Variants in EPHA3 observed in about 807,000 individuals in gnomAD.
The protein encoded by EPHA3 is ephrin type-A receptor 3.
EPHA3 carries 42 observed loss-of-function variants against 107.1 expected under a neutral mutation model. That is an observed-to-expected ratio of 0.39 (90% confidence interval 0.31 to 0.51). EPHA3 has a LOEUF of 0.51. Ranked by LOEUF, EPHA3 falls within the 20% of genes least tolerant of loss-of-function variation. The pLI, the probability that EPHA3 is intolerant of heterozygous loss-of-function variation, is 0.78. For missense variants in EPHA3, 1,183 were observed against 1,211.2 expected (o/e 0.98, Z 0.35); for synonymous variants, 461 against 424.8 (o/e 1.09, Z -1.05).
At chr3:89,365,545 C>T (rs1468429079) in intron 5 of EPHA3, among the ~76,000 whole-genome samples, 2 of 150,750 alleles carry the variant, frequency 1.3e-5, no homozygotes, top group Non-Finnish European at 3.0e-5. Context: ...AGCAAGGGCC[C>T]TGCCAGACTT....
intron 5 of EPHA3, among the ~76,000 whole-genome samples, chr3:89,373,806 C>T (rs1469674944): frequency 6.6e-6 from 1 of 151,840 alleles, no homozygotes; most frequent in Non-Finnish European, 1.5e-5. Flanking sequence ...GTTTGTTCAA[C>T]ATATTATATT....
chr3:89,253,247 T>C (rs1705205164), intron 3 of EPHA3, among the ~76,000 whole-genome samples: 1 of 152,150 alleles, frequency 6.6e-6, no homozygotes, highest in African/African-American at 2.4e-5. Flanking sequence ...TACCTCACTT[T>C]AGGGATAAAA....
intron 5 of EPHA3, among the ~76,000 whole-genome samples, chr3:89,381,082 C>T (rs1269742882): frequency 1.3e-5 from 2 of 152,192 alleles, no homozygotes; most frequent in African/African-American, 2.4e-5. Flanking sequence ...CCGCCATTCT[C>T]TTGCCTCAGC....
At chr3:89,447,021 C>A (rs949895212) in intron 13 of EPHA3, among the ~76,000 whole-genome samples, 1 of 152,104 alleles carries the variant, frequency 6.6e-6, no homozygotes, top group Admixed American at 6.6e-5. Context: ...CCCAATGATT[C>A]CATTTGGCAT....
At chr3:89,189,449 T>C (rs1705649634) in intron 2 of EPHA3, among the ~76,000 whole-genome samples, 1 of 152,072 alleles carries the variant, frequency 6.6e-6, no homozygotes, top group Non-Finnish European at 1.5e-5. Context: ...AAAAATTAGC[T>C]GGGCACGGTG....
At chr3:89,117,902 G>C (rs915506915) in intron 1 of EPHA3, among the ~76,000 whole-genome samples, 1 of 151,914 alleles carries the variant, frequency 6.6e-6, no homozygotes, top group Non-Finnish European at 1.5e-5. Context: ...AGCTGATCAT[G>C]GTAGATTTTG....
chr3:89,246,955 GCAAATGTTAGCAT>G (rs919843674), intron 3 of EPHA3, among the ~76,000 whole-genome samples: 5 of 152,126 alleles, frequency 3.3e-5, no homozygotes, highest in African/African-American at 1.2e-4. Context: ...CAGAACAAGA[GCAAATGTTAGCAT>G]ATAGCATGTA....
rs576483446 is a variant in EPHA3 at position 89,273,074 on chromosome 3, G to A, written c.814+62554G>A. Among the ~76,000 whole-genome samples, 20 of 151,954 alleles carry A rather than the reference G, an allele frequency of 1.3e-4. No homozygotes were observed. The South Asian group carries it at 4.1e-3, about 32-fold the overall frequency. On this transcript the variant is annotated intron_variant, in intron 3 of 16. Transcript: ENST00000336596. ...GCCAAAAATACATTTGGTTTGATGG[G>A]AAGATAAATTTTCAACATTTTAAAG...
chr3:89,384,043 T>A (rs185642325), intron 5 of EPHA3, among the ~76,000 whole-genome samples: 146 of 152,230 alleles, frequency 9.6e-4, no homozygotes, highest in African/African-American at 3.3e-3. Context: ...CCATATACTT[T>A]CAATAGTTGT....
chr3:89,211,956 C>T (rs971948551), intron 3 of EPHA3, among the ~76,000 whole-genome samples: 33 of 151,776 alleles, frequency 2.2e-4, no homozygotes, highest in African/African-American at 6.5e-4. Flanking sequence ...GAAATATTGG[C>T]GACTAAAGAA....
In EPHA3 at chr3:89,281,863, A is replaced by G. The variant is rs532313060; in HGVS notation, c.815-59053A>G. ...TTATGCGCACTGTAAAAAAGCATAC[A>G]CATGGCTAATTCCAATCATTGTACA... On this transcript the variant is annotated intron_variant, in intron 3 of 16. Transcript: ENST00000336596. Among the ~76,000 whole-genome samples the G allele has an allele frequency of 3.3e-5, 5 of 152,348 alleles. No homozygotes were observed. In the South Asian group the frequency reaches 6.2e-4, roughly 19 times the overall value.
intron 5 of EPHA3, among the ~76,000 whole-genome samples, chr3:89,347,372 T>C (rs1200725594): frequency 6.7e-6 from 1 of 149,168 alleles, no homozygotes; most frequent in African/African-American, 2.4e-5. Flanking sequence ...TTTATTCTCT[T>C]TGAAGCAATT....
chr3:89,377,667 G>A (rs1708427518), intron 5 of EPHA3, among the ~76,000 whole-genome samples: 1 of 151,918 alleles, frequency 6.6e-6, no homozygotes, highest in South Asian at 2.1e-4. Flanking sequence ...TCCTAGCTAG[G>A]TGCATTTTGA....
At chr3:89,424,225 A>G (rs1441466264) in intron 11 of EPHA3, among the ~76,000 whole-genome samples, 3 of 151,426 alleles carry the variant, frequency 2.0e-5, no homozygotes, top group Non-Finnish European at 4.4e-5. Flanking sequence ...TATTCCAAGT[A>G]TGAAAAGTTG....
intron 2 of EPHA3, among the ~76,000 whole-genome samples, chr3:89,197,877 G>GA (rs1275041910): frequency 6.6e-6 from 1 of 152,128 alleles, no homozygotes; most frequent in Non-Finnish European, 1.5e-5. Flanking sequence ...TGGGGAGGCT[G>GA]AGGGGGGAGA....
intron 16 of EPHA3, among the ~76,000 whole-genome samples, chr3:89,473,056 C>T: frequency 6.6e-6 from 1 of 152,158 alleles, no homozygotes; most frequent in East Asian, 1.9e-4. Flanking sequence ...ATGTGGTATA[C>T]AAGGAAACAT....
At chr3:89,121,128 CG>C (rs898301881) in intron 1 of EPHA3, among the ~76,000 whole-genome samples, 2 of 152,022 alleles carry the variant, frequency 1.3e-5, no homozygotes, top group African/African-American at 4.8e-5. Context: ...CCCAGCTACT[CG>C]GGAGGCTGAG....
intron 13 of EPHA3, among the ~76,000 whole-genome samples, chr3:89,439,630 T>C (rs931801526): frequency 6.6e-6 from 1 of 151,908 alleles, no homozygotes; most frequent in Non-Finnish European, 1.5e-5. Context: ...AAATTAGAGA[T>C]TTTAAAAACT....
At chr3:89,206,186 C>T (rs1706099172) in intron 2 of EPHA3, among the ~76,000 whole-genome samples, 1 of 152,118 alleles carries the variant, frequency 6.6e-6, no homozygotes, top group African/African-American at 2.4e-5. Flanking sequence ...CTTTTATGTG[C>T]AAAGAATGCT....
Sources: allele counts gnomAD v4.1 joint callset (sites outside exome capture counted in the v4.1 genomes callset), GRCh38; gene constraint gnomAD v4.1.1; transcripts MANE v1.5; gene names NCBI Gene and HGNC (gene_info 2026-07-23, HGNC 2026-07-21).